SNRPF: variants seen among roughly 807,000 people sequenced by gnomAD.
SNRPF encodes the protein small nuclear ribonucleoprotein F.
In SNRPF, 1 loss-of-function variant was observed where a neutral mutation model predicts 13.4. The observed-to-expected ratio is 0.07, with a 90% CI of 0.03 to 0.35. The LOEUF (loss-of-function observed/expected upper bound fraction) is 0.35. SNRPF is among the 10% of genes least tolerant of loss of function. The pLI is 0.99. For missense variants in SNRPF, 53 were observed against 101.0 expected (o/e 0.52, Z 2.04); for synonymous variants, 27 against 32.1 (o/e 0.84, Z 0.54).
chr12:95,861,886 A>T (rs1284342987), intron 2 of SNRPF: 4 of 152,278 alleles, frequency 2.6e-5, no homozygotes, highest in Non-Finnish European at 4.4e-5. Flanking sequence ...GGCATTAAGT[A>T]CCTTCACATT....
Position 95,859,020 on chromosome 12 carries a change from C to T in SNRPF, c.-54C>T. The T allele has an allele frequency of 2.5e-6, 4 of 1,608,444 alleles. No individual in the cohort carries two copies. The highest frequency in any genetic ancestry group is 1.7e-4 in the Middle Eastern group (1 of 6,050). On this transcript the variant is annotated 5_prime_UTR_variant, in exon 1 of 4. In the 5' UTR this introduces an upstream ATG that the reference lacks. Transcript: ENST00000266735. ...CGGTACCTGCTGTAGTCACGAGGGA[C>T]GGGCGGCGGCCTGGTCGGCAGAGAG...
At chr12:95,862,371 GTA>G (rs1204463708) in intron 2 of SNRPF, among the ~76,000 whole-genome samples, 9 of 152,060 alleles carry the variant, frequency 5.9e-5, no homozygotes, top group Admixed American at 4.6e-4. Flanking sequence ...GCTCTTTGGG[GTA>G]TATACCCAGA....
In SNRPF at chr12:95,859,043, G is replaced by C; in HGVS notation, c.-31G>C. ...GACGGGCGGCGGCCTGGTCGGCAGA[G>C]AGTAGCCTGCAACATTCGGCCGTGG... On this transcript the variant is annotated 5_prime_UTR_variant, in exon 1 of 4. Transcript: ENST00000266735. 1.2e-6 allele frequency: 2 copies of C among 1,612,296 alleles called. No individual in the cohort carries two copies. Among genetic ancestry groups the C allele is most frequent in the Non-Finnish European group, 1.7e-6 (2 of 1,179,564 alleles).
intron 1 of SNRPF, among the ~76,000 whole-genome samples, chr12:95,859,290 C>T (rs766441701): frequency 6.6e-6 from 1 of 152,144 alleles, no homozygotes; most frequent in Non-Finnish European, 1.5e-5. Flanking sequence ...GCCTTCTTCT[C>T]TTTGTTTGAA....
At chr12:95,864,524 C>T (rs1020851854) in intron 2 of SNRPF, among the ~76,000 whole-genome samples, 1 of 152,204 alleles carries the variant, frequency 6.6e-6, no homozygotes, top group African/African-American at 2.4e-5. Flanking sequence ...TGCTGTAGTT[C>T]ACCAAAATAG....
At position 95,865,407 on chromosome 12, in the gene SNRPF, ATATGTAAGGAG is replaced by A. The variant is rs1565937532; in HGVS notation, c.194+21_194+31del. 1.6e-6 allele frequency: 2 copies of A among 1,242,516 alleles called. No individual in the cohort carries two copies. Among genetic ancestry groups the A allele is most frequent in the Non-Finnish European group, 2.4e-6 (2 of 845,236 alleles). 77.0% of individuals were successfully genotyped at this position (1,242,516 alleles called of 1,614,324 possible). Reference sequence around the variant, plus strand: ...TAATAAGGTAACAAACAGCAGTAGTATATGTAAGGAGTTACTGGTGAGCATTAGGAATACCT... The same window carrying A: ...TAATAAGGTAACAAACAGCAGTAGTATTACTGGTGAGCATTAGGAATACCT... On this transcript the variant is annotated intron_variant, in intron 3 of 3. Transcript: ENST00000266735.
At position 95,859,008 on chromosome 12, in the gene SNRPF, A is replaced by G; in HGVS notation, c.-66A>G. On this transcript the variant is annotated 5_prime_UTR_variant, in exon 1 of 4. Coordinates refer to ENST00000266735, the MANE Select transcript of SNRPF (RefSeq NM_003095.5). ...GCTCGGGACCTGCGGTACCTGCTGTAGTCACGAGGGACGGGCGGCGGCCTG... is the reference window on the plus strand; with the variant it reads ...GCTCGGGACCTGCGGTACCTGCTGTGGTCACGAGGGACGGGCGGCGGCCTG... 6.2e-7 allele frequency: 1 copy of G among 1,604,852 alleles called. No homozygotes were observed. The highest frequency in any genetic ancestry group is 8.5e-7 in the Non-Finnish European group (1 of 1,176,922).
intron 2 of SNRPF, 72 bp downstream of exon 2, chr12:95,861,365 C>T: frequency 7.1e-7 from 1 of 1,400,356 alleles, no homozygotes; most frequent in South Asian, 1.2e-5. Context: ...AAGGTTTAGT[C>T]TGACTAATAA....
chr12:95,863,784 G>A (rs560379188), intron 2 of SNRPF, among the ~76,000 whole-genome samples: 1 of 152,342 alleles, frequency 6.6e-6, no homozygotes, highest in South Asian at 2.1e-4. Flanking sequence ...CAACTCAGTT[G>A]AGTATCTGGG....
At chr12:95,863,181 C>T (rs1323248148) in intron 2 of SNRPF, among the ~76,000 whole-genome samples, 1 of 152,058 alleles carries the variant, frequency 6.6e-6, no homozygotes, top group Non-Finnish European at 1.5e-5. Flanking sequence ...CACCTGAGCA[C>T]ATGACATTAA....
intron 2 of SNRPF, among the ~76,000 whole-genome samples, chr12:95,863,609 C>T (rs1315308051): frequency 1.3e-5 from 2 of 152,178 alleles, no homozygotes; most frequent in African/African-American, 4.8e-5. Context: ...AACAAAGTCC[C>T]TGCCCTCAAC....
At chr12:95,863,420 A>T (rs1249337032) in intron 2 of SNRPF, among the ~76,000 whole-genome samples, 1 of 152,226 alleles carries the variant, frequency 6.6e-6, no homozygotes, top group Non-Finnish European at 1.5e-5. Flanking sequence ...ATTACCACTT[A>T]ATATTTGTTT....
rs555253667 is a variant in SNRPF at position 95,865,961 on chromosome 12, T to C, written c.195-44T>C. Reference sequence around the variant, plus strand: ...AAAATATAGTAATTCATATCATACATGGTTTCTGGTTGGAACAACAAAATC... The same window carrying C: ...AAAATATAGTAATTCATATCATACACGGTTTCTGGTTGGAACAACAAAATC... On this transcript the variant is annotated intron_variant, in intron 3 of 3. Transcript: ENST00000266735. 3.6e-5 allele frequency: 30 copies of C among 822,220 alleles called. No homozygotes were observed. In the South Asian group the frequency reaches 4.5e-4, roughly 12 times the overall value. The allele number at this position is 822,220 out of a possible 1,614,324, so 50.9% of individuals were successfully genotyped here.
chr12:95,862,060 C>G (rs1054399984), intron 2 of SNRPF, among the ~76,000 whole-genome samples: 1 of 152,134 alleles, frequency 6.6e-6, no homozygotes, highest in East Asian at 1.9e-4. Flanking sequence ...CCCTGGTAAC[C>G]ACTAGTCTAC....
In SNRPF at chr12:95,861,049, T is replaced by C. The variant is rs569222713; in HGVS notation, c.4-119T>C. 3.9e-5 allele frequency: 31 copies of C among 793,474 alleles called. No individual in the cohort carries two copies. In the South Asian group the frequency reaches 5.6e-4, roughly 14 times the overall value. 49.2% of individuals were successfully genotyped at this position (793,474 alleles called of 1,614,324 possible). Reference sequence around the variant, plus strand: ...TAAAAGTGAAAATTATGTACTAAAATAATAAGGAGTCAAAAGTTTTCTTCA... The same window carrying C: ...TAAAAGTGAAAATTATGTACTAAAACAATAAGGAGTCAAAAGTTTTCTTCA... On this transcript the variant is annotated intron_variant, in intron 1 of 3. Coordinates refer to ENST00000266735, the MANE Select transcript of SNRPF (RefSeq NM_003095.5).
chr12:95,862,698 G>A (rs996494746), intron 2 of SNRPF, among the ~76,000 whole-genome samples: 4 of 152,048 alleles, frequency 2.6e-5, no homozygotes, highest in African/African-American at 4.8e-5. Flanking sequence ...GGATGACAGA[G>A]AAATTTTTTT....
intron 2 of SNRPF, among the ~76,000 whole-genome samples, chr12:95,863,305 T>G (rs561029834): frequency 2.0e-5 from 3 of 152,212 alleles, no homozygotes; most frequent in Non-Finnish European, 4.4e-5. Context: ...CTGGAAGTAG[T>G]GGTGATAGTT....
chr12:95,859,067 G>GGTT lies in SNRPF; in HGVS notation c.-6_-4dup. ...AGAGTAGCCTGCAACATTCGGCCGT[G>GGTT]GTTACGATGGTAAGGAGAAAGAGAA... is the stretch of plus-strand genomic sequence containing the variant. On this transcript the variant is annotated 5_prime_UTR_variant, in exon 1 of 4. Transcript: ENST00000266735. The GGTT allele has an allele frequency of 1.2e-6, 2 of 1,613,190 alleles. No individual in the cohort carries two copies. The highest frequency in any genetic ancestry group is 2.7e-5 in the African/African-American group (2 of 75,052).
chr12:95,860,239 C>A (rs4762632), intron 1 of SNRPF, among the ~76,000 whole-genome samples: 88 of 152,156 alleles, frequency 5.8e-4, no homozygotes, highest in African/African-American at 2.1e-3. Flanking sequence ...CTGCTTCCTT[C>A]TGTAGTTTTA....
Sources: gnomAD v4.1 joint callset for allele counts (sites outside exome capture counted in the v4.1 genomes callset) on GRCh38, gnomAD v4.1.1 for gene constraint, MANE v1.5 for transcripts, NCBI Gene and HGNC (gene_info 2026-07-23, HGNC 2026-07-21) for gene names.